Variants in NRGN observed in about 807,000 individuals in gnomAD.
NRGN encodes neurogranin, also known as calmodulin-binding protein.
For synonymous variants in NRGN, 47 were observed against 52.8 expected (o/e 0.89, Z 0.47); for missense variants, 82 against 123.0 (o/e 0.67, Z 1.58).
chr11:124,743,911 A>G (rs1466855313), intron 1 of NRGN, among the ~76,000 whole-genome samples: 1 of 151,992 alleles, frequency 6.6e-6, no homozygotes, highest in Admixed American at 6.6e-5. Flanking sequence ...AGAAAAAAAA[A>G]AAGAAGGAGG....
intron 1 of NRGN, among the ~76,000 whole-genome samples, chr11:124,741,938 G>C (rs529907291): frequency 1.3e-5 from 2 of 152,226 alleles, no homozygotes; most frequent in Admixed American, 1.3e-4. Flanking sequence ...CCTTAAAAAA[G>C]GAGAGGCTAC....
rs1479497831 is a variant in NRGN at position 124,740,240 on chromosome 11, G to A, written c.15+141G>A. 4.9e-6 allele frequency: 3 copies of A among 606,724 alleles called. No homozygotes were observed. In the East Asian group the frequency reaches 1.0e-4, roughly 21 times the overall value. 37.6% of individuals were successfully genotyped at this position (606,724 alleles called of 1,614,324 possible). ...AAAGAAAAGGGGTCCTTGCCGAGAC[G>A]TGGGTGGTGGATGGTGGAAGGCGCC... On this transcript the variant is annotated intron_variant, in intron 1 of 3. Transcript: ENST00000284292. This position sits in a 1 kb window ranked among gnomAD's most constrained non-coding sequence, Gnocchi z 7.5.
At position 124,740,062 on chromosome 11, in the gene NRGN, G is replaced by A. The variant is rs774142020; in HGVS notation, c.-23G>A. 4.7e-6 allele frequency: 6 copies of A among 1,282,148 alleles called. No individual in the cohort carries two copies. Among genetic ancestry groups the A allele is most frequent in the Non-Finnish European group, 6.0e-6 (6 of 1,000,778 alleles). 79.4% of individuals were successfully genotyped at this position (1,282,148 alleles called of 1,614,324 possible). ...CCGCCCTGCGCCAGCCTTCGTCCCC[G>A]CAGAGGACCCCCCGACACCAGCATG... On this transcript the variant is annotated 5_prime_UTR_variant, in exon 1 of 4. Transcript: ENST00000284292. The surrounding 1 kb of genome is among the most constrained non-coding windows in gnomAD (Gnocchi z 7.5).
chr11:124,741,349 C>T (rs1250820304), intron 1 of NRGN, among the ~76,000 whole-genome samples: 2 of 152,140 alleles, frequency 1.3e-5, no homozygotes, highest in African/African-American at 4.8e-5. Flanking sequence ...GCCCTGTCTT[C>T]TTCGAAGAGC....
intron 1 of NRGN, among the ~76,000 whole-genome samples, chr11:124,741,046 T>G (rs1325833732): frequency 6.6e-6 from 1 of 152,240 alleles, no homozygotes; most frequent in African/African-American, 2.4e-5. Context: ...AAGTGGGCTT[T>G]GGAAGGGAAG....
Position 124,740,032 on chromosome 11 carries a change from C to T in NRGN, c.-53C>T. ...CCCCCACCCGGCACCACACAGACCCCACCCCCGCCCTGCGCCAGCCTTCGT... is the reference window on the plus strand; with the variant it reads ...CCCCCACCCGGCACCACACAGACCCTACCCCCGCCCTGCGCCAGCCTTCGT... On this transcript the variant is annotated 5_prime_UTR_variant, in exon 1 of 4. Transcript: ENST00000284292. This position sits in a 1 kb window ranked among gnomAD's most constrained non-coding sequence, Gnocchi z 7.5. 9.2e-7 allele frequency: 1 copy of T among 1,091,540 alleles called. No homozygotes were observed. Among genetic ancestry groups the T allele is most frequent in the African/African-American group, 1.6e-5 (1 of 61,154 alleles). 67.6% of individuals were successfully genotyped at this position (1,091,540 alleles called of 1,614,324 possible). A position where few individuals can be genotyped will look rare whatever the true frequency, so the allele number is the denominator to read the frequency against.
At chr11:124,742,545 GA>G (rs1442210724) in intron 1 of NRGN, among the ~76,000 whole-genome samples, 1 of 152,140 alleles carries the variant, frequency 6.6e-6, no homozygotes, top group African/African-American at 2.4e-5. Context: ...AAAAGCGCAT[GA>G]ATTTTTTTGG....
chr11:124,742,714 A>G (rs917763731), intron 1 of NRGN, among the ~76,000 whole-genome samples: 1 of 152,232 alleles, frequency 6.6e-6, no homozygotes, highest in African/African-American at 2.4e-5. Context: ...AAAATGTCTC[A>G]GAGGCTGTTT....
intron 1 of NRGN, among the ~76,000 whole-genome samples, chr11:124,744,127 C>A (rs376553890): frequency 6.6e-6 from 1 of 152,312 alleles, no homozygotes; most frequent in East Asian, 1.9e-4. Context: ...TCAGCCAGGG[C>A]AGGCTGTCAG....
chr11:124,740,033 AC>A lies in NRGN; in HGVS notation c.-47del, dbSNP rs990337814. ...CCCCACCCGGCACCACACAGACCCCACCCCCGCCCTGCGCCAGCCTTCGTCC... is the reference window on the plus strand; with the variant it reads ...CCCCACCCGGCACCACACAGACCCCACCCCGCCCTGCGCCAGCCTTCGTCC... On this transcript the variant is annotated 5_prime_UTR_variant, in exon 1 of 4. Coordinates refer to ENST00000284292, the MANE Select transcript of NRGN (RefSeq NM_006176.3). The surrounding 1 kb of genome is among the most constrained non-coding windows in gnomAD (Gnocchi z 7.5). 10 of 796,640 alleles carry A rather than the reference AC, an allele frequency of 1.3e-5. No homozygotes were observed. The highest frequency in any genetic ancestry group is 4.6e-5 in the Admixed American group (1 of 21,840). The allele number at this position is 796,640 out of a possible 1,614,324, so 49.3% of individuals were successfully genotyped here.
At position 124,745,565 on chromosome 11, in the gene NRGN, C is replaced by T. The variant is rs949396502; in HGVS notation, c.78C>T (p.Ala26=). 6.2e-7 allele frequency: 1 copy of T among 1,606,138 alleles called. No individual in the cohort carries two copies. The highest frequency in any genetic ancestry group is 1.7e-5 in the Admixed American group (1 of 59,162). Residue 26 remains alanine, a synonymous_variant, in exon 2 of 4, where the codon GCC becomes GCT. Transcript: ENST00000284292. This position sits in a 1 kb window ranked among gnomAD's most constrained non-coding sequence, Gnocchi z 6.4. ...ILDIPLDDPG[A]NAAAAKIQAS... is the part of the protein sequence containing the mutation. ...ACATCCCGCTGGACGATCCCGGCGCCAACGCGGCCGCCGCCAAAATCCAGG... is the reference window on the plus strand; with the variant it reads ...ACATCCCGCTGGACGATCCCGGCGCTAACGCGGCCGCCGCCAAAATCCAGG...
At position 124,745,450 on chromosome 11, in the gene NRGN, C is replaced by G; in HGVS notation, c.16-53C>G. On this transcript the variant is annotated intron_variant, in intron 1 of 3. Coordinates refer to ENST00000284292, the MANE Select transcript of NRGN (RefSeq NM_006176.3). This position sits in a 1 kb window ranked among gnomAD's most constrained non-coding sequence, Gnocchi z 6.4. ...CTCAGGGCTCTATTCCTACCCCACT[C>G]CCGCGGATCAAGACCCAGTGACCCC... 2.2e-6 allele frequency: 3 copies of G among 1,383,350 alleles called. No individual in the cohort carries two copies. The highest frequency in any genetic ancestry group is 2.9e-6 in the Non-Finnish European group (3 of 1,024,986). The allele number at this position is 1,383,350 out of a possible 1,614,324, so 85.7% of individuals were successfully genotyped here.
At chr11:124,744,923 T>C (rs1943996110) in intron 1 of NRGN, 2 of 152,274 alleles carry the variant, frequency 1.3e-5, no homozygotes, top group South Asian at 4.1e-4. Context: ...GAAGAGTCAA[T>C]GGGAAAACAA....
intron 1 of NRGN, among the ~76,000 whole-genome samples, chr11:124,742,761 A>G (rs1265536340): frequency 1.3e-5 from 2 of 152,210 alleles, no homozygotes; most frequent in African/African-American, 4.8e-5. Flanking sequence ...GAGGTAATAT[A>G]TGCAAAGCGC....
In NRGN at chr11:124,745,872, G is replaced by A; in HGVS notation, c.*6-93G>A. On this transcript the variant is annotated intron_variant, in intron 2 of 3. Transcript: ENST00000284292. This position sits in a 1 kb window ranked among gnomAD's most constrained non-coding sequence, Gnocchi z 6.4. ...GGGATAGAAATCCGAGATGGGAGGTGGGTGGGAAGAGGCTGAAGGTTGCGC... is the reference window on the plus strand; with the variant it reads ...GGGATAGAAATCCGAGATGGGAGGTAGGTGGGAAGAGGCTGAAGGTTGCGC... 1 of 413,064 alleles carries A rather than the reference G, an allele frequency of 2.4e-6. No homozygotes were observed. Among genetic ancestry groups the A allele is most frequent in the Non-Finnish European group, 4.1e-6 (1 of 241,430 alleles). The allele number at this position is 413,064 out of a possible 1,614,324, so 25.6% of individuals were successfully genotyped here.
chr11:124,745,635 G>A lies in NRGN; in HGVS notation c.148G>A (p.Glu50Lys). 1 of 1,585,058 alleles carries A rather than the reference G, an allele frequency of 6.3e-7. No individual in the cohort carries two copies. Among genetic ancestry groups the A allele is most frequent in the Non-Finnish European group, 8.6e-7 (1 of 1,169,588 alleles). ...HMARKKIKSG[E>K]RGRKGPGPGG... ...GGCGCGGAAGAAGATAAAGAGCGGA[G>A]AGCGCGGCCGGAAGGGCCCGGGCCC... is the stretch of plus-strand genomic sequence containing the variant. The change falls in exon 2 of 4, where the codon GAG becomes AAG. Residue 50 changes from glutamate to lysine, a missense_variant. Glu to Lys is a moderately conservative substitution (Grantham distance 56, BLOSUM62 1). Coordinates refer to ENST00000284292, the MANE Select transcript of NRGN (RefSeq NM_006176.3). The surrounding 1 kb of genome is among the most constrained non-coding windows in gnomAD (Gnocchi z 6.4).
chr11:124,746,229 G>A (rs41302389), intron 3 of NRGN, 175 bp from the exon 4 acceptor site: 6,128 of 152,806 alleles, frequency 0.04, 174 homozygotes, highest in South Asian at 0.065. Context: ...ATCGCGGCGC[G>A]CACACGTACC....
At position 124,745,239 on chromosome 11, in the gene NRGN, G is replaced by A; in HGVS notation, c.16-264G>A. Among the ~76,000 whole-genome samples the A allele has an allele frequency of 6.6e-6, 1 of 152,086 alleles. No individual in the cohort carries two copies. Among genetic ancestry groups the A allele is most frequent in the East Asian group, 1.9e-4 (1 of 5,178 alleles). ...CTAACTCGGTGCTGGTGATGGGCCT[G>A]GCTCTCCCGCACCCAATCCTGCCTG... On this transcript the variant is annotated intron_variant, in intron 1 of 3. Transcript: ENST00000284292. This position sits in a 1 kb window ranked among gnomAD's most constrained non-coding sequence, Gnocchi z 6.4.
Position 124,745,447 on chromosome 11 carries a change from A to C in NRGN, c.16-56A>C, listed in dbSNP as rs1591422610. ...TCCCTCAGGGCTCTATTCCTACCCC[A>C]CTCCCGCGGATCAAGACCCAGTGAC... On this transcript the variant is annotated intron_variant, in intron 1 of 3. Coordinates refer to ENST00000284292, the MANE Select transcript of NRGN (RefSeq NM_006176.3). The surrounding 1 kb of genome is among the most constrained non-coding windows in gnomAD (Gnocchi z 6.4). The C allele has an allele frequency of 5.3e-6, 7 of 1,328,358 alleles. No homozygotes were observed. Among genetic ancestry groups the C allele is most frequent in the African/African-American group, 1.6e-5 (1 of 62,646 alleles). The allele number at this position is 1,328,358 out of a possible 1,614,324, so 82.3% of individuals were successfully genotyped here.
Sources: allele counts gnomAD v4.1 joint callset (sites outside exome capture counted in the v4.1 genomes callset), GRCh38; gene constraint gnomAD v4.1.1; non-coding constraint Gnocchi (gnomAD v3.1); transcripts MANE v1.5; gene names NCBI Gene and HGNC (gene_info 2026-07-23, HGNC 2026-07-21).